The following CUX1 variants were observed in gnomAD, a reference collection of about 807,000 sequenced individuals.
CUX1 encodes protein CASP.
CUX1 carries 31 observed loss-of-function variants against 158.8 expected under a neutral mutation model. The observed-to-expected ratio is 0.20, with a 90% CI of 0.15 to 0.26. The LOEUF (loss-of-function observed/expected upper bound fraction) is 0.26, where lower values mean the gene tolerates loss of function less well. CUX1 is among the 10% of genes least tolerant of loss of function. The probability of loss-of-function intolerance (pLI) is 1.00; values close to 1 mark genes in which losing one functional copy is unlikely to be tolerated. For synonymous variants in CUX1, 879 were observed against 862.1 expected, an observed-to-expected ratio of 1.02 and a Z score of -0.34; for missense variants, 1,589 against 2,014.6, an observed-to-expected ratio of 0.79 and a Z score of 4.04.
At chr7:101,932,448 C>T (rs1806395057) in intron 2 of CUX1, 1 of 395,814 alleles carries the variant, frequency 2.5e-6, no homozygotes, top group Non-Finnish European at 5.1e-6. Flanking sequence ...TTCTTTTGCA[C>T]TTTTGCATTT....
At chr7:101,840,759 A>G (rs1795122314) in intron 1 of CUX1, among the ~76,000 whole-genome samples, 1 of 152,180 alleles carries the variant, frequency 6.6e-6, no homozygotes, top group Non-Finnish European at 1.5e-5. Flanking sequence ...GATTATCTGT[A>G]TCTTAAAATT....
chr7:102,283,047 A>G, exon 23 of CUX1: 1 of 1,610,356 alleles, frequency 6.2e-7, no homozygotes, highest in African/African-American at 1.4e-5. Context: ...CACAAGTTCC[A>G]CGAGAATGAC....
chr7:102,178,752 A>G, intron 11 of CUX1, 95 bp downstream of exon 11: 1 of 1,358,870 alleles, frequency 7.4e-7, no homozygotes, highest in Non-Finnish European at 1.0e-6. Flanking sequence ...TCTGGACTTG[A>G]TAGCAAGTGT....
At position 101,916,540 on chromosome 7, in the gene CUX1, C is replaced by T. The variant is rs1184531990; in HGVS notation, c.141+315C>T. On this transcript the variant is annotated intron_variant, in intron 2 of 23. Transcript: ENST00000292535. This position sits in a 1 kb window ranked among gnomAD's most constrained non-coding sequence, Gnocchi z 4.4. ...GGTGTCTCAGACCCTCGAGCTCATC[C>T]CAGACCCTGTCCCATGTCAGTTAGC... 1 of 302,064 alleles carries T rather than the reference C, an allele frequency of 3.3e-6. No homozygotes were observed. Among genetic ancestry groups the T allele is most frequent in the Admixed American group, 4.2e-5 (1 of 23,740 alleles). 18.7% of individuals were successfully genotyped at this position (302,064 alleles called of 1,614,324 possible).
In CUX1 at chr7:102,252,629, C is replaced by T. The variant is rs908135049; in HGVS notation, c.*3587C>T. On this transcript the variant is annotated 3_prime_UTR_variant, in exon 24 of 24. Transcript: ENST00000292535. ...CATTTAGCCTCTTGACCCGGAGTTC[C>T]GGCCCAAGCTCCCTTGTGATAGCCG... is the stretch of plus-strand genomic sequence containing the variant. The T allele has an allele frequency of 9.3e-5, 92 of 985,302 alleles. No individual in the cohort carries two copies. The highest frequency in any genetic ancestry group is 1.0e-4 in the Non-Finnish European group (86 of 829,954). The allele number at this position is 985,302 out of a possible 1,614,324, so 61.0% of individuals were successfully genotyped here.
intron 11 of CUX1, among the ~76,000 whole-genome samples, chr7:102,182,993 T>C (rs1185957261): frequency 2.6e-5 from 4 of 152,186 alleles, no homozygotes; most frequent in African/African-American, 9.7e-5. Context: ...AGGGGTCTTT[T>C]CCAAACTGCT....
At chr7:102,178,399 C>A in intron 10 of CUX1, 70 bp from the exon 11 acceptor site, 1 of 1,424,288 alleles carries the variant, frequency 7.0e-7, no homozygotes, top group Non-Finnish European at 9.6e-7. Flanking sequence ...GTCTCAGTTG[C>A]CAGCACAGGT....
intron 1 of CUX1, among the ~76,000 whole-genome samples, chr7:101,875,868 A>T (rs1413995421): frequency 6.6e-6 from 1 of 151,200 alleles, no homozygotes. Context: ...TTTCTCTCTG[A>T]TTTTTACAAA....
Position 101,834,285 on chromosome 7 carries a change from C to T in CUX1, c.30+16616C>T, listed in dbSNP as rs569018361. ...GCCTCCTGGGTTCAAGCGATTCTCC[C>T]GCCTCAGCCTCCCGAGTAGCTGGGA... is the stretch of plus-strand genomic sequence containing the variant. On this transcript the variant is annotated intron_variant, in intron 1 of 23. Coordinates refer to ENST00000292535, the MANE Select transcript of CUX1 (RefSeq NM_181552.4). 4.7e-5 allele frequency among the ~76,000 whole-genome samples: 7 copies of T among 149,828 alleles called. No individual in the cohort carries two copies. The South Asian group carries it at 8.5e-4, about 18-fold the overall frequency.
At position 101,874,703 on chromosome 7, in the gene CUX1, A is replaced by G. The variant is rs557959198; in HGVS notation, c.31-41412A>G. 3.9e-5 allele frequency among the ~76,000 whole-genome samples: 6 copies of G among 152,352 alleles called. No homozygotes were observed. In the East Asian group the frequency reaches 5.8e-4, roughly 15 times the overall value. On this transcript the variant is annotated intron_variant, in intron 1 of 23. Coordinates refer to ENST00000292535, the MANE Select transcript of CUX1 (RefSeq NM_181552.4). ...CGGGTTTCTGTCCCTCCAGCCTGGCATCGTGAACTCAGGGGAAACAGATGG... is the reference window on the plus strand; with the variant it reads ...CGGGTTTCTGTCCCTCCAGCCTGGCGTCGTGAACTCAGGGGAAACAGATGG...
chr7:101,854,731 G>T (rs928838976), intron 1 of CUX1, among the ~76,000 whole-genome samples: 6 of 152,142 alleles, frequency 3.9e-5, no homozygotes, highest in Non-Finnish European at 7.3e-5. Flanking sequence ...GACTAAAAAT[G>T]GACTCAGTTT....
intron 4 of CUX1, among the ~76,000 whole-genome samples, chr7:102,078,228 AC>A (rs1368541935): frequency 6.6e-6 from 1 of 152,078 alleles, no homozygotes; most frequent in Non-Finnish European, 1.5e-5. Context: ...GGCACACGCC[AC>A]CACACCTGGC....
intron 4 of CUX1, among the ~76,000 whole-genome samples, chr7:102,084,741 AT>A (rs1258206806): frequency 6.7e-6 from 1 of 149,716 alleles, no homozygotes; most frequent in Non-Finnish European, 1.5e-5. Flanking sequence ...TACTTTATTG[AT>A]GTTGGATGGA....
upstream of CUX1, chr7:101,816,211 G>T (rs1235111736): frequency 4.3e-6 from 1 of 230,802 alleles, no homozygotes; most frequent in East Asian, 1.9e-4. Context: ...GCGGGGAGGA[G>T]GGGGGTGCCG....
chr7:102,276,592 G>A lies in CUX1; in HGVS notation c.1563+1233G>A, dbSNP rs1455651585. Reference sequence around the variant, plus strand: ...GCTGGGATTACAGGCGTGAGCCACCGCGCTGGCCACTGCTTGAATTTTGAA... The same window carrying A: ...GCTGGGATTACAGGCGTGAGCCACCACGCTGGCCACTGCTTGAATTTTGAA... On this transcript the variant is annotated intron_variant, in intron 17 of 22. Transcript: ENST00000292538. 9.9e-5 allele frequency among the ~76,000 whole-genome samples: 15 copies of A among 152,184 alleles called. No individual in the cohort carries two copies. In the East Asian group the frequency reaches 2.5e-3, roughly 25 times the overall value.
At chr7:102,066,534 C>T (rs768103497) in intron 3 of CUX1, among the ~76,000 whole-genome samples, 4 of 152,144 alleles carry the variant, frequency 2.6e-5, no homozygotes, top group African/African-American at 7.2e-5. Context: ...AGGATCCTTC[C>T]AGATCCCAGC....
intron 8 of CUX1, among the ~76,000 whole-genome samples, chr7:102,150,400 C>T (rs1835509830): frequency 6.6e-6 from 1 of 152,344 alleles, no homozygotes; most frequent in African/African-American, 2.4e-5. Flanking sequence ...AAGTGATCCA[C>T]CTACCTCGGC....
At chr7:102,157,606 C>T (rs540528523) in intron 8 of CUX1, among the ~76,000 whole-genome samples, 101 of 152,284 alleles carry the variant, frequency 6.6e-4, no homozygotes, top group Non-Finnish European at 1.2e-3. Flanking sequence ...ATGGCAAAAC[C>T]TTGTCTGTAC....
At chr7:101,952,407 T>C (rs1279878512) in intron 2 of CUX1, among the ~76,000 whole-genome samples, 1 of 152,102 alleles carries the variant, frequency 6.6e-6, no homozygotes, top group African/African-American at 2.4e-5. Flanking sequence ...AAAGTACAGA[T>C]TCTCGGGTCT....
Sources: allele counts gnomAD v4.1 joint callset (sites outside exome capture counted in the v4.1 genomes callset), GRCh38; gene constraint gnomAD v4.1.1; non-coding constraint Gnocchi (gnomAD v3.1); transcripts MANE v1.5; gene names NCBI Gene and HGNC (gene_info 2026-07-23, HGNC 2026-07-21).